Variants in LRRN2 observed in about 807,000 individuals in gnomAD.
The protein encoded by LRRN2 is leucine rich repeat neuronal 2, also known as leucine-rich repeat neuronal protein 2.
LRRN2 carries 10 observed loss-of-function variants against 35.7 expected under a neutral mutation model. The ratio of observed to expected loss-of-function variants is 0.28; its 90% CI spans 0.17 to 0.47. The LOEUF is 0.47. LRRN2 is among the 20% of genes least tolerant of loss of function. The probability of loss-of-function intolerance (pLI) is 0.99; values close to 1 mark genes in which losing one functional copy is unlikely to be tolerated. For synonymous variants in LRRN2, 391 were observed against 409.6 expected (o/e 0.95, Z 0.55); for missense variants, 731 against 940.3 (o/e 0.78, Z 2.91).
chr1:204,634,255 G>A (rs779041457), intron 1 of LRRN2, among the ~76,000 whole-genome samples: 2 of 152,194 alleles, frequency 1.3e-5, no homozygotes, highest in Non-Finnish European at 2.9e-5. Flanking sequence ...CCAGCCCTAT[G>A]TCCTGAATTG....
chr1:204,679,159 C>G (rs915035905), intron 1 of LRRN2, among the ~76,000 whole-genome samples: 1 of 152,122 alleles, frequency 6.6e-6, no homozygotes, highest in Non-Finnish European at 1.5e-5. Context: ...TTCTCAGGCT[C>G]GAGGCCTGAA....
At chr1:204,674,219 G>C (rs892813128) in intron 1 of LRRN2, among the ~76,000 whole-genome samples, 3 of 152,012 alleles carry the variant, frequency 2.0e-5, no homozygotes, top group Admixed American at 6.5e-5. Context: ...GACTAGGAAG[G>C]GTGGGGCAGG....
chr1:204,673,783 G>T (rs1668759552), intron 1 of LRRN2, among the ~76,000 whole-genome samples: 2 of 152,128 alleles, frequency 1.3e-5, no homozygotes, highest in African/African-American at 2.4e-5. Context: ...TTGCTAGGCT[G>T]GTTCTCCCCC....
intron 1 of LRRN2, chr1:204,621,705 C>T (rs77241163): frequency 2.1e-3 from 347 of 167,214 alleles, no homozygotes; most frequent in Non-Finnish European, 3.9e-3. Context: ...GGAACCTATC[C>T]AGTTTCTCTC....
Position 204,618,841 on chromosome 1 carries a change from G to A in LRRN2, c.1152C>T (p.Gly384=). ...GCGGCTCGATGAAGCGGACACGGGTGCCCGTGGCATTGGCCCAGCGGATGA... is the reference window on the plus strand; with the variant it reads ...GCGGCTCGATGAAGCGGACACGGGTACCCGTGGCATTGGCCCAGCGGATGA... ...DCVIRWANAT[G]TRVRFIEPQS... Residue 384 remains glycine, a synonymous_variant, in exon 2 of 2, where the codon GGC becomes GGT. Transcript: ENST00000367177. The A allele has an allele frequency of 6.2e-7, 1 of 1,614,158 alleles. No homozygotes were observed. The highest frequency in any genetic ancestry group is 8.5e-7 in the Non-Finnish European group (1 of 1,180,040).
At chr1:204,651,332 C>T (rs192227623) in intron 1 of LRRN2, among the ~76,000 whole-genome samples, 27 of 152,334 alleles carry the variant, frequency 1.8e-4, no homozygotes, top group Non-Finnish European at 2.8e-4. Context: ...GCAGAGAAAT[C>T]GGCTGAGCCA....
At chr1:204,666,013 G>C (rs1311135590) in intron 1 of LRRN2, among the ~76,000 whole-genome samples, 1 of 152,240 alleles carries the variant, frequency 6.6e-6, no homozygotes, top group Non-Finnish European at 1.5e-5. Context: ...GGTGGTACAG[G>C]AAGAAGCAGG....
chr1:204,647,372 A>G (rs1668129134), intron 1 of LRRN2, among the ~76,000 whole-genome samples: 1 of 152,254 alleles, frequency 6.6e-6, no homozygotes, highest in African/African-American at 2.4e-5. Context: ...GTGACTGATG[A>G]CTTATCAAAA....
chr1:204,619,290 C>T lies in LRRN2; in HGVS notation c.703G>A (p.Gly235Arg). ...LREISDYALE[G>R]LQSLESLSFY... ...GAGAGGCTCTCCAGGCTTTGCAGCC[C>T]CTCCAGGGCATAGTCGGAGATCTCC... Residue 235 changes from glycine (G) to arginine (R), a missense_variant, in exon 2 of 2, where the codon GGG (glycine) becomes AGG (arginine). Coordinates refer to ENST00000367177, the MANE Select transcript of LRRN2 (RefSeq NM_201630.2). 6.2e-7 allele frequency: 1 copy of T among 1,614,166 alleles called. No homozygotes were observed. Among genetic ancestry groups the T allele is most frequent in the South Asian group, 1.1e-5 (1 of 91,084 alleles).
chr1:204,672,876 C>T (rs1375411603), intron 1 of LRRN2, among the ~76,000 whole-genome samples: 1 of 152,204 alleles, frequency 6.6e-6, no homozygotes, highest in Non-Finnish European at 1.5e-5. Context: ...TCCGCTTCAT[C>T]CAGCTCTAAA....
chr1:204,663,188 G>GC (rs1376259163), intron 1 of LRRN2, among the ~76,000 whole-genome samples: 2 of 152,200 alleles, frequency 1.3e-5, no homozygotes, highest in East Asian at 3.9e-4. Flanking sequence ...CAGGGCAGTG[G>GC]CCCCTGGGAG....
chr1:204,634,116 T>G (rs1308476439), intron 1 of LRRN2, among the ~76,000 whole-genome samples: 5 of 152,232 alleles, frequency 3.3e-5, no homozygotes, highest in Admixed American at 2.0e-4. Context: ...ATTAAACTAA[T>G]TAAGAGCAAG....
chr1:204,670,135 A>G (rs551007407), intron 1 of LRRN2, among the ~76,000 whole-genome samples: 1 of 152,310 alleles, frequency 6.6e-6, no homozygotes, highest in South Asian at 2.1e-4. Flanking sequence ...AGGAAAAGGC[A>G]AAGTCAGCCT....
chr1:204,618,709 G>A lies in LRRN2; in HGVS notation c.1284C>T (p.Ser428=), dbSNP rs763502556. The A allele has an allele frequency of 3.1e-6, 5 of 1,600,248 alleles. No homozygotes were observed. The Admixed American group carries it at 8.4e-5, about 27-fold the overall frequency. ...DHCLPLISPR[S]FPPSLQVASG... is the part of the protein sequence containing the mutation. ...TGGCTACCTGGAGGCTTGGGGGGAA[G>A]CTTCGTGGGGAGATGAGGGGCAAAC... The change falls in exon 2 of 2, where the codon AGC becomes AGT. Residue 428 remains serine, a synonymous_variant. Transcript: ENST00000367177.
chr1:204,642,692 G>T (rs1668009521), intron 1 of LRRN2, among the ~76,000 whole-genome samples: 1 of 152,244 alleles, frequency 6.6e-6, no homozygotes, highest in Admixed American at 6.5e-5. Context: ...ATAGCTGATG[G>T]CTTTCTCTGG....
At chr1:204,622,763 C>T (rs947807353) in intron 1 of LRRN2, among the ~76,000 whole-genome samples, 4 of 152,114 alleles carry the variant, frequency 2.6e-5, no homozygotes, top group African/African-American at 9.7e-5. Context: ...CTGACTGCCA[C>T]CTAGACCTGC....
rs1238483072 is a variant in LRRN2, at chr1:204,618,957, C to T, written c.1036G>A (p.Ala346Thr). Residue 346 changes from alanine to threonine, a missense_variant, in exon 2 of 2, where the codon GCT becomes ACT. Ala to Thr is a moderately conservative substitution (Grantham distance 58). Around this residue, in one of 3 missense-constraint regions of LRRN2, gnomAD observed 256 missense variants for 392.4 expected, o/e 0.65. Coordinates refer to ENST00000367177, the MANE Select transcript of LRRN2 (RefSeq NM_201630.2). Reference sequence around the variant, plus strand: ...GTCTGCTGGTGCAAGGCACTGAGAGCGTTGTTGTTGAGCATGAGGGTCTCC... The same window carrying T: ...GTCTGCTGGTGCAAGGCACTGAGAGTGTTGTTGTTGAGCATGAGGGTCTCC... ...QMETLMLNNNALSALHQQTVE... is the reference protein window; with the variant it reads ...QMETLMLNNNTLSALHQQTVE... 6.2e-7 allele frequency: 1 copy of T among 1,613,854 alleles called. No homozygotes were observed. Among genetic ancestry groups the T allele is most frequent in the Non-Finnish European group, 8.5e-7 (1 of 1,179,932 alleles).
In LRRN2 at chr1:204,619,337, A is replaced by C. The variant is rs1157168850; in HGVS notation, c.656T>G (p.Val219Gly). ...CTCCCGCAGGTTCATGCCTGCTAGC[A>C]CCAGGCTACGCAGGTTGGCCAGGGG... ...FRPLANLRSLVLAGMNLREIS... is the reference protein window; with the variant it reads ...FRPLANLRSLGLAGMNLREIS... The change falls in exon 2 of 2, where the codon GTG becomes GGG. Residue 219 changes from valine (V) to glycine (G), a missense_variant. By Grantham distance (109) the Val-to-Gly change is moderately radical (BLOSUM62 -3). This residue lies in a region of LRRN2 where 246 missense variants were observed against 289.5 expected (regional missense o/e 0.85). Transcript: ENST00000367177. 1 of 1,614,172 alleles carries C rather than the reference A, an allele frequency of 6.2e-7. No homozygotes were observed. Among genetic ancestry groups the C allele is most frequent in the Admixed American group, 1.7e-5 (1 of 60,032 alleles).
chr1:204,652,734 A>C (rs1668263119), intron 1 of LRRN2, among the ~76,000 whole-genome samples: 1 of 152,178 alleles, frequency 6.6e-6, no homozygotes, highest in South Asian at 2.1e-4. Flanking sequence ...TTAACATGCA[A>C]ATACCCATCC....
Sources: allele counts gnomAD v4.1 joint callset (sites outside exome capture counted in the v4.1 genomes callset), GRCh38; gene constraint gnomAD v4.1.1; regional missense constraint gnomAD v4.1.1; transcripts MANE v1.5; gene names NCBI Gene and HGNC (gene_info 2026-07-23, HGNC 2026-07-21).